NRXN3: variants seen among roughly 807,000 people sequenced by gnomAD.
NRXN3 encodes the protein neurexin III.
In NRXN3, 32 loss-of-function variants were observed where a neutral mutation model predicts 137.6. That is an observed-to-expected ratio of 0.23 (90% CI 0.18 to 0.31). The LOEUF (loss-of-function observed/expected upper bound fraction) is 0.31. Among genes scored for constraint, NRXN3 ranks in the 10% least tolerant of loss-of-function variants. The pLI is 1.00. For missense variants in NRXN3, 1,574 were observed against 2,062.5 expected (o/e 0.76, Z 4.59); for synonymous variants, 798 against 784.5 (o/e 1.02, Z -0.29).
intron 15 of NRXN3, among the ~76,000 whole-genome samples, chr14:79,017,966 T>C (rs1435644155): frequency 6.6e-6 from 1 of 151,650 alleles, no homozygotes; most frequent in Non-Finnish European, 1.5e-5. Flanking sequence ...GTTTGGTAAA[T>C]AGAGAAAAAG....
intron 20 of NRXN3, among the ~76,000 whole-genome samples, chr14:79,828,766 G>A (rs1402256099): frequency 1.3e-5 from 2 of 151,554 alleles, no homozygotes; most frequent in African/African-American, 4.8e-5. Flanking sequence ...ATGACACTTG[G>A]TAGTTCAGTG....
At chr14:78,720,579 T>C (rs1390452741) in intron 8 of NRXN3, among the ~76,000 whole-genome samples, 2 of 152,222 alleles carry the variant, frequency 1.3e-5, no homozygotes, top group Non-Finnish European at 2.9e-5. Flanking sequence ...TGTCCTATGA[T>C]ATTCAATCTA....
chr14:79,372,922 G>C (rs2094153699), intron 15 of NRXN3, among the ~76,000 whole-genome samples: 2 of 151,832 alleles, frequency 1.3e-5, no homozygotes, highest in Non-Finnish European at 2.9e-5. Context: ...CTTAATTCTA[G>C]AAAAAAATAT....
At chr14:79,612,052 T>C (rs2098110193) in intron 16 of NRXN3, among the ~76,000 whole-genome samples, 1 of 152,216 alleles carries the variant, frequency 6.6e-6, no homozygotes, top group Admixed American at 6.5e-5. Context: ...CACTGAACTG[T>C]GATGCTATTA....
chr14:79,496,319 G>A (rs1212277268), intron 16 of NRXN3, among the ~76,000 whole-genome samples: 1 of 151,542 alleles, frequency 6.6e-6, no homozygotes, highest in Non-Finnish European at 1.5e-5. Flanking sequence ...AGTTACTAGC[G>A]CAGTAAGAGC....
At chr14:79,594,459 T>C (rs1445203110) in intron 16 of NRXN3, among the ~76,000 whole-genome samples, 2 of 152,202 alleles carry the variant, frequency 1.3e-5, no homozygotes, top group East Asian at 3.8e-4. Context: ...GCCTTTAAAA[T>C]AAATATTATA....
chr14:78,496,185 G>T (rs1213553449), intron 4 of NRXN3, among the ~76,000 whole-genome samples: 1 of 152,096 alleles, frequency 6.6e-6, no homozygotes, highest in South Asian at 2.1e-4. Context: ...ATGCCAGAAC[G>T]CCAACCATCT....
At chr14:79,338,218 AGTGTGTGTGT>A (rs56816357) in intron 15 of NRXN3, among the ~76,000 whole-genome samples, 39 of 141,146 alleles carry the variant, frequency 2.8e-4, no homozygotes, top group African/African-American at 4.0e-4. Flanking sequence ...TGTGTATGTG[AGTGTGTGTGT>A]GTGTGTGTGT....
intron 20 of NRXN3, among the ~76,000 whole-genome samples, chr14:79,816,521 C>T (rs1456239547): frequency 6.6e-6 from 1 of 152,226 alleles, no homozygotes; most frequent in Non-Finnish European, 1.5e-5. Flanking sequence ...AGAATGTCCA[C>T]TTTGACTAAT....
At chr14:78,888,446 G>A (rs2099149780) in intron 10 of NRXN3, among the ~76,000 whole-genome samples, 1 of 151,824 alleles carries the variant, frequency 6.6e-6, no homozygotes, top group Admixed American at 6.6e-5. Context: ...TTGTTAGGGG[G>A]TAGTGTCCTA....
At chr14:78,726,959 TAA>T (rs55802240) in intron 8 of NRXN3, among the ~76,000 whole-genome samples, 97 of 120,994 alleles carry the variant, frequency 8.0e-4, no homozygotes, top group African/African-American at 8.7e-4. Flanking sequence ...ATTTATTCAC[TAA>T]AAAAAAAAAA....
chr14:79,412,467 G>A lies in NRXN3; in HGVS notation c.3263-54754G>A, dbSNP rs958366467. 6.6e-5 allele frequency among the ~76,000 whole-genome samples: 10 copies of A among 151,882 alleles called. No individual in the cohort carries two copies. In the East Asian group the frequency reaches 7.8e-4, roughly 12 times the overall value. On this transcript the variant is annotated intron_variant, in intron 15 of 20. Transcript: ENST00000335750. The stretch of plus-strand genomic sequence containing the variant: ...GAGATCTAGGGGCAAAAGGGATTTT[G>A]AGAGTGCAAGTGAATTAAAAAGCTA...
chr14:78,361,021 C>T (rs74693543), intron 4 of NRXN3, among the ~76,000 whole-genome samples: 4,824 of 152,324 alleles, frequency 0.032, 99 homozygotes, highest in Middle Eastern at 0.068. Flanking sequence ...CTTGGATTCA[C>T]TGATTTATGA....
intron 18 of NRXN3, 72 bp from the exon 19 acceptor site, chr14:79,697,558 C>G: frequency 1.7e-5 from 25 of 1,504,990 alleles, no homozygotes; most frequent in Non-Finnish European, 2.2e-5. Flanking sequence ...GATGCCTGGT[C>G]CATTCAGACC....
At chr14:78,305,276 C>T (rs893955960) in intron 4 of NRXN3, among the ~76,000 whole-genome samples, 1 of 152,040 alleles carries the variant, frequency 6.6e-6, no homozygotes, top group African/African-American at 2.4e-5. Flanking sequence ...TAATAACGAT[C>T]AAGAACTGAT....
intron 4 of NRXN3, among the ~76,000 whole-genome samples, chr14:78,527,644 G>A (rs913025871): frequency 6.6e-6 from 1 of 152,170 alleles, no homozygotes; most frequent in Non-Finnish European, 1.5e-5. Flanking sequence ...CTGAAAAATG[G>A]GGCTAGTAAT....
intron 1 of NRXN3, among the ~76,000 whole-genome samples, chr14:78,202,769 C>G (rs1406332909): frequency 6.6e-6 from 1 of 152,162 alleles, no homozygotes; most frequent in African/African-American, 2.4e-5. Context: ...AAGGGCAAGA[C>G]AGGAAAAGGG....
At chr14:79,666,555 G>A (rs749346697) in intron 17 of NRXN3, among the ~76,000 whole-genome samples, 29 of 152,062 alleles carry the variant, frequency 1.9e-4, no homozygotes, top group Non-Finnish European at 3.2e-4. Context: ...CCCTTCCTAA[G>A]GTCACATAGC....
chr14:79,490,777 A>G (rs766974685), intron 16 of NRXN3, among the ~76,000 whole-genome samples: 4 of 152,172 alleles, frequency 2.6e-5, no homozygotes, highest in Admixed American at 6.5e-5. Flanking sequence ...ACTGTAGTCG[A>G]TAATAACTCA....
Sources: gnomAD v4.1 joint callset for allele counts (sites outside exome capture counted in the v4.1 genomes callset) on GRCh38, gnomAD v4.1.1 for gene constraint, MANE v1.5 for transcripts, NCBI Gene and HGNC (gene_info 2026-07-23, HGNC 2026-07-21) for gene names.